Variants in MYO5A observed in about 807,000 individuals in gnomAD.
The protein encoded by MYO5A is unconventional myosin-Va.
MYO5A carries 98 observed loss-of-function variants against 249.7 expected under a neutral mutation model. The ratio of observed to expected loss-of-function variants is 0.39; its 90% CI spans 0.33 to 0.46. The LOEUF (loss-of-function observed/expected upper bound fraction) is 0.46. Among genes scored for constraint, MYO5A ranks in the 20% least tolerant of loss-of-function variants. The pLI is 0.98. For synonymous variants in MYO5A, 778 were observed against 810.6 expected, an observed-to-expected ratio of 0.96 and a Z score of 0.68; for missense variants, 1,696 against 2,308.8, an observed-to-expected ratio of 0.73 and a Z score of 5.44.
rs765688942 is a variant in MYO5A, at chr15:52,383,101, A to G, written c.2002T>C (p.Phe668Leu). The change falls in exon 16 of 42, where the codon TTC becomes CTC. Residue 668 changes from phenylalanine to leucine, a missense_variant. By Grantham distance (22) the Phe-to-Leu change is conservative (BLOSUM62 0). Transcript: ENST00000399233. ...VRCIKPNDFK[F>L]PFTFDEKRAV... ...TTCAGAAATACTTACGTGAATGGGA[A>G]CTTGAAGTCATTAGGCTTGATACAG... 2.5e-5 allele frequency: 41 copies of G among 1,611,672 alleles called. No homozygotes were observed. In the South Asian group the frequency reaches 4.1e-4, roughly 16 times the overall value.
chr15:52,319,452 G>T, intron 38 of MYO5A, 110 bp from the exon 39 acceptor site: 1 of 1,233,808 alleles, frequency 8.1e-7, no homozygotes, highest in Non-Finnish European at 1.2e-6. Context: ...AATTAGCTGG[G>T]CACGGTGGCT....
At position 52,376,454 on chromosome 15, in the gene MYO5A, G is replaced by T; in HGVS notation, c.2313C>A (p.Ile771=). The change falls in exon 19 of 42, where the codon ATC becomes ATA. Residue 771 remains isoleucine, a synonymous_variant. Transcript: ENST00000399233. ...ACCCTCGGATGGTCTTCTGGATCCGGATGCAGGCAGCTCTCAGTTTGTCAG... is the reference window on the plus strand; with the variant it reads ...ACCCTCGGATGGTCTTCTGGATCCGTATGCAGGCAGCTCTCAGTTTGTCAG... The part of the protein sequence containing the change: ...LRADKLRAAC[I]RIQKTIRGWL... The T allele has an allele frequency of 1.2e-6, 2 of 1,614,142 alleles. No homozygotes were observed. Among genetic ancestry groups the T allele is most frequent in the South Asian group, 1.1e-5 (1 of 91,080 alleles).
intron 1 of MYO5A, among the ~76,000 whole-genome samples, chr15:52,502,553 C>T (rs1258063823): frequency 6.6e-6 from 1 of 152,164 alleles, no homozygotes; most frequent in Non-Finnish European, 1.5e-5. Context: ...ATAATATAAC[C>T]TCTGACCATA....
rs371367711 is a variant in MYO5A at position 52,480,664 on chromosome 15, C to G, written c.28-47379G>C. On this transcript the variant is annotated intron_variant, in intron 1 of 41. Coordinates refer to ENST00000399233, the MANE Select transcript of MYO5A (RefSeq NM_001382347.1). Reference sequence around the variant, plus strand: ...CAACTAAAATTCCATTTCATTGTAACACAACTTGGTTTCCCACATTCTCTT... The same window carrying G: ...CAACTAAAATTCCATTTCATTGTAAGACAACTTGGTTTCCCACATTCTCTT... Among the ~76,000 whole-genome samples, 110 of 152,310 alleles carry G rather than the reference C, an allele frequency of 7.2e-4. 2 individuals carry two copies. In the South Asian group the frequency reaches 0.022, roughly 30 times the overall value.
At chr15:52,490,771 T>G (rs544141216) in intron 1 of MYO5A, among the ~76,000 whole-genome samples, 1 of 152,096 alleles carries the variant, frequency 6.6e-6, no homozygotes, top group Non-Finnish European at 1.5e-5. Context: ...GAGGCTGGAG[T>G]GCAGTGGTGT....
intron 23 of MYO5A, among the ~76,000 whole-genome samples, chr15:52,365,676 C>T (rs2040771182): frequency 6.6e-6 from 1 of 152,258 alleles, no homozygotes; most frequent in South Asian, 2.1e-4. Flanking sequence ...ACAGTGCTTC[C>T]CTAGAGTAGG....
intron 4 of MYO5A, among the ~76,000 whole-genome samples, chr15:52,425,442 C>G (rs769892451): frequency 6.6e-6 from 1 of 152,190 alleles, no homozygotes; most frequent in Non-Finnish European, 1.5e-5. Flanking sequence ...TCACTGCAAC[C>G]TCTGTCTCCC....
rs1247188153 is a variant in MYO5A at position 52,367,119 on chromosome 15, T to C, written c.3072A>G (p.Val1024=). Residue 1024 remains valine, a synonymous_variant, in exon 23 of 42, where the codon GTA becomes GTG. Transcript: ENST00000399233. ...DRYKQETEQL[V]SNLKEENTLL... is the part of the protein sequence containing the mutation. ...AAGTATTTTCTTCCTTCAGATTTGA[T>C]ACCAGCTACGAAATGAAACAATAAA... 2.5e-6 allele frequency: 4 copies of C among 1,612,960 alleles called. No homozygotes were observed. The highest frequency in any genetic ancestry group is 4.5e-5 in the East Asian group (2 of 44,838).
At chr15:52,465,810 T>G (rs1207963099) in intron 1 of MYO5A, among the ~76,000 whole-genome samples, 1 of 152,158 alleles carries the variant, frequency 6.6e-6, no homozygotes, top group African/African-American at 2.4e-5. Flanking sequence ...CAAAATAGTG[T>G]GTAGACAATC....
At chr15:52,468,492 T>C (rs1245454817) in intron 1 of MYO5A, among the ~76,000 whole-genome samples, 3 of 152,022 alleles carry the variant, frequency 2.0e-5, no homozygotes, top group Admixed American at 1.3e-4. Flanking sequence ...ACCCCGTCTC[T>C]ACAAAAATGT....
At chr15:52,326,218 C>T (rs1005884990) in intron 36 of MYO5A, among the ~76,000 whole-genome samples, 5 of 152,150 alleles carry the variant, frequency 3.3e-5, no homozygotes, top group African/African-American at 1.2e-4. Context: ...CATTTTTAAT[C>T]TTTACAGAAT....
intron 1 of MYO5A, among the ~76,000 whole-genome samples, chr15:52,475,222 T>A (rs1201498601): frequency 1.3e-5 from 2 of 152,236 alleles, no homozygotes; most frequent in Non-Finnish European, 2.9e-5. Flanking sequence ...CTCTGTGAGA[T>A]CAGTGGTGAT....
chr15:52,438,120 A>G (rs2075705277), intron 1 of MYO5A: 1 of 879,524 alleles, frequency 1.1e-6, no homozygotes, highest in East Asian at 1.2e-4. Context: ...GTTTGAGGAT[A>G]TATACCTTAG....
chr15:52,364,809 G>T, intron 23 of MYO5A, 107 bp from the exon 24 acceptor site: 5 of 1,284,640 alleles, frequency 3.9e-6, no homozygotes, highest in Non-Finnish European at 5.5e-6. Context: ...TTTACTTTTA[G>T]TATCACTGTG....
At position 52,339,490 on chromosome 15, in the gene MYO5A, T is replaced by C. The variant is rs141165310; in HGVS notation, c.4239+706A>G. Among the ~76,000 whole-genome samples, 8 of 149,666 alleles carry C rather than the reference T, an allele frequency of 5.3e-5. No homozygotes were observed. The East Asian group carries it at 1.6e-3, about 29-fold the overall frequency. On this transcript the variant is annotated intron_variant, in intron 32 of 41. Coordinates refer to ENST00000399233, the MANE Select transcript of MYO5A (RefSeq NM_001382347.1). ...TCAGTAATAAAAGTTATTATGTGACTGAGAAATATTTTAGAAAATTTTTTT... is the reference window on the plus strand; with the variant it reads ...TCAGTAATAAAAGTTATTATGTGACCGAGAAATATTTTAGAAAATTTTTTT...
At chr15:52,402,455 G>GA (rs2042804722) in intron 9 of MYO5A, among the ~76,000 whole-genome samples, 1 of 152,052 alleles carries the variant, frequency 6.6e-6, no homozygotes, top group African/African-American at 2.4e-5. Context: ...TAGCTCACTT[G>GA]GCTATGAAAC....
intron 1 of MYO5A, among the ~76,000 whole-genome samples, chr15:52,476,361 G>C (rs2076593011): frequency 6.6e-6 from 1 of 152,138 alleles, no homozygotes; most frequent in Non-Finnish European, 1.5e-5. Flanking sequence ...GCCAGTCTGT[G>C]TCTTTTAATT....
chr15:52,424,473 A>T (rs944990732), intron 4 of MYO5A, among the ~76,000 whole-genome samples: 1 of 152,194 alleles, frequency 6.6e-6, no homozygotes, highest in Non-Finnish European at 1.5e-5. Context: ...TTAAAAATGG[A>T]AAGCAATTAA....
At chr15:52,472,281 G>A (rs143825872) in intron 1 of MYO5A, among the ~76,000 whole-genome samples, 2,416 of 152,076 alleles carry the variant, frequency 0.016, 71 homozygotes, top group African/African-American at 0.056. Context: ...GGGTTTCACC[G>A]TGTTAGCCAG....
Sources: allele counts gnomAD v4.1 joint callset (sites outside exome capture counted in the v4.1 genomes callset), GRCh38; gene constraint gnomAD v4.1.1; transcripts MANE v1.5; gene names NCBI Gene and HGNC (gene_info 2026-07-23, HGNC 2026-07-21).